Variants in SLC30A8 observed in about 807,000 individuals in gnomAD.
SLC30A8 encodes solute carrier family 30 member 8, also known as proton-coupled zinc antiporter SLC30A8.
SLC30A8 carries 27 observed loss-of-function variants against 36.9 expected under a neutral mutation model. That is an observed-to-expected ratio of 0.73 (90% CI 0.54 to 1.01). The LOEUF is 1.01. SLC30A8 is among the 50% of genes least tolerant of loss of function. The probability of loss-of-function intolerance (pLI) is 0.00; values close to 1 mark genes in which losing one functional copy is unlikely to be tolerated. For missense variants in SLC30A8, 439 were observed against 452.0 expected (o/e 0.97, Z 0.26); for synonymous variants, 164 against 172.4 (o/e 0.95, Z 0.38).
chr8:117,103,477 C>CTTTGTTTG (rs61326196), intron 2 of SLC30A8, among the ~76,000 whole-genome samples: 3 of 151,248 alleles, frequency 2.0e-5, no homozygotes, highest in African/African-American at 4.9e-5. Flanking sequence ...GGGTAACATA[C>CTTTGTTTG]TTTGTTTGTT....
intron 2 of SLC30A8, among the ~76,000 whole-genome samples, chr8:117,069,505 G>T (rs1232488533): frequency 6.6e-6 from 1 of 152,172 alleles, no homozygotes; most frequent in Non-Finnish European, 1.5e-5. Flanking sequence ...GGGGTCAGTG[G>T]CCCCCAATTT....
At chr8:117,051,057 G>GTGC (rs879192094) in intron 2 of SLC30A8, among the ~76,000 whole-genome samples, 1 of 152,214 alleles carries the variant, frequency 6.6e-6, no homozygotes. Context: ...GAGTCTCAAA[G>GTGC]TGGTCAGAGT....
At chr8:116,989,471 T>A (rs768783554) in intron 1 of SLC30A8, among the ~76,000 whole-genome samples, 11 of 152,182 alleles carry the variant, frequency 7.2e-5, no homozygotes, top group Non-Finnish European at 1.6e-4. Context: ...CCTATATTGT[T>A]TATTATTTAC....
chr8:117,112,226 C>G (rs535230750), intron 2 of SLC30A8, among the ~76,000 whole-genome samples: 1 of 152,090 alleles, frequency 6.6e-6, no homozygotes, highest in Admixed American at 6.6e-5. Context: ...GCCAGAGTGT[C>G]TTGTGCTCCA....
chr8:116,954,301 G>T (rs1203068295), intron 1 of SLC30A8, among the ~76,000 whole-genome samples: 1 of 152,014 alleles, frequency 6.6e-6, no homozygotes, highest in Non-Finnish European at 1.5e-5. Flanking sequence ...TTTAAGTAGA[G>T]ACATCAAATA....
chr8:117,143,051 C>A (rs1043640673), intron 1 of SLC30A8, among the ~76,000 whole-genome samples: 2 of 151,854 alleles, frequency 1.3e-5, no homozygotes, highest in Non-Finnish European at 2.9e-5. Flanking sequence ...TATGAAAGTA[C>A]AAAAGCAAAG....
chr8:116,962,738 T>C (rs1420663084), intron 1 of SLC30A8, among the ~76,000 whole-genome samples: 1 of 152,058 alleles, frequency 6.6e-6, no homozygotes, highest in African/African-American at 2.4e-5. Flanking sequence ...TTTTCATGTC[T>C]GACACTGCCC....
chr8:117,135,954 A>T (rs1821340451), intron 1 of SLC30A8, among the ~76,000 whole-genome samples: 1 of 151,958 alleles, frequency 6.6e-6, no homozygotes, highest in Non-Finnish European at 1.5e-5. Context: ...TCACTTGGTT[A>T]ACAATTATTG....
At chr8:117,037,964 C>G (rs1274079704) in intron 1 of SLC30A8, among the ~76,000 whole-genome samples, 1 of 152,150 alleles carries the variant, frequency 6.6e-6, no homozygotes, top group Non-Finnish European at 1.5e-5. Flanking sequence ...TAATTGAATT[C>G]ACTGCAGATT....
intron 2 of SLC30A8, among the ~76,000 whole-genome samples, chr8:117,067,572 A>G (rs1405902655): frequency 6.6e-6 from 1 of 152,196 alleles, no homozygotes; most frequent in Non-Finnish European, 1.5e-5. Context: ...AGGTTAGTCC[A>G]TACAATCTAA....
At chr8:117,068,925 G>C (rs967698039) in intron 2 of SLC30A8, among the ~76,000 whole-genome samples, 1 of 151,864 alleles carries the variant, frequency 6.6e-6, no homozygotes, top group Non-Finnish European at 1.5e-5. Context: ...CCTTGCTATT[G>C]GTTCCACCTC....
chr8:117,081,501 A>G (rs534949483), intron 2 of SLC30A8, among the ~76,000 whole-genome samples: 1 of 152,188 alleles, frequency 6.6e-6, no homozygotes, highest in African/African-American at 2.4e-5. Context: ...ATGTAACCTT[A>G]ATTGCCTCTT....
At chr8:116,962,346 A>G (rs190578694) in intron 1 of SLC30A8, among the ~76,000 whole-genome samples, 20 of 152,132 alleles carry the variant, frequency 1.3e-4, no homozygotes, top group Admixed American at 1.3e-3. Flanking sequence ...ATGCCAAGAA[A>G]AGCCATGCCA....
intron 1 of SLC30A8, among the ~76,000 whole-genome samples, chr8:116,958,449 A>G (rs991673060): frequency 6.6e-6 from 1 of 151,866 alleles, no homozygotes; most frequent in African/African-American, 2.4e-5. Flanking sequence ...TTTATTAAGT[A>G]TAGACTTGGG....
At chr8:117,057,655 A>G (rs2130781547) in intron 2 of SLC30A8, among the ~76,000 whole-genome samples, 1 of 152,294 alleles carries the variant, frequency 6.6e-6, no homozygotes, top group East Asian at 1.9e-4. Context: ...TTCACAGAGT[A>G]ATGTCCTCCA....
chr8:116,956,130 T>C (rs1361505448), intron 1 of SLC30A8, among the ~76,000 whole-genome samples: 2 of 152,184 alleles, frequency 1.3e-5, no homozygotes, highest in African/African-American at 4.8e-5. Context: ...GCAGGATTCA[T>C]ATTCTGTCAT....
rs1252521156 is a variant in SLC30A8 at position 117,170,882 on chromosome 8, A to G, written c.830-152A>G. ...ATTGATGGTAAACCTTGAAGTAGTCAGGTAAATCTTATTTGTAAACATTTG... is the reference window on the plus strand; with the variant it reads ...ATTGATGGTAAACCTTGAAGTAGTCGGGTAAATCTTATTTGTAAACATTTG... On this transcript the variant is annotated intron_variant, in intron 6 of 7. Coordinates refer to ENST00000456015, the MANE Select transcript of SLC30A8 (RefSeq NM_173851.3). The G allele has an allele frequency of 6.6e-6, 4 of 609,506 alleles. No homozygotes were observed. In the East Asian group the frequency reaches 1.2e-4, roughly 18 times the overall value. 37.8% of individuals were successfully genotyped at this position (609,506 alleles called of 1,614,324 possible).
upstream of SLC30A8, among the ~76,000 whole-genome samples, chr8:117,133,725 C>T (rs541742778): frequency 6.6e-6 from 1 of 152,070 alleles, no homozygotes; most frequent in African/African-American, 2.4e-5. Context: ...ATTAGTAATT[C>T]TTTTCTGGTT....
At chr8:117,033,969 A>G (rs1461683831) in intron 1 of SLC30A8, among the ~76,000 whole-genome samples, 1 of 152,250 alleles carries the variant, frequency 6.6e-6, no homozygotes, top group African/African-American at 2.4e-5. Context: ...ATTGCTGAAA[A>G]GAACTTCAGA....
Sources: allele counts gnomAD v4.1 joint callset (sites outside exome capture counted in the v4.1 genomes callset), GRCh38; gene constraint gnomAD v4.1.1; transcripts MANE v1.5; gene names NCBI Gene and HGNC (gene_info 2026-07-23, HGNC 2026-07-21).